Variants in SULF2 observed in about 807,000 individuals in gnomAD.
SULF2 encodes sulfatase 2.
A neutral mutation model predicts 107.7 loss-of-function variants in SULF2; 52 were observed. That is an observed-to-expected ratio of 0.48 (90% CI 0.39 to 0.61). The LOEUF is 0.61. Ranked by LOEUF, SULF2 falls within the 20% of genes least tolerant of loss-of-function variation. The pLI, the probability that SULF2 is intolerant of heterozygous loss-of-function variation, is 0.00. For synonymous variants in SULF2, 460 were observed against 464.3 expected, an observed-to-expected ratio of 0.99 and a Z score of 0.12; for missense variants, 993 against 1,177.3, an observed-to-expected ratio of 0.84 and a Z score of 2.29.
In SULF2 at chr20:47,694,753, A is replaced by G. The variant is rs1309703190; in HGVS notation, c.568-4458T>C. On this transcript the variant is annotated intron_variant, in intron 4 of 20. Transcript: ENST00000688720. This position sits in a 1 kb window ranked among gnomAD's most constrained non-coding sequence, Gnocchi z 4.4. ...TGTTTCCCTCGAGTGGGCACTCCGCACCGGGCTTCCCTCCAAGGCCAAGGC... is the reference window on the plus strand; with the variant it reads ...TGTTTCCCTCGAGTGGGCACTCCGCGCCGGGCTTCCCTCCAAGGCCAAGGC... 6.6e-6 allele frequency among the ~76,000 whole-genome samples: 1 copy of G among 152,126 alleles called. No individual in the cohort carries two copies. Among genetic ancestry groups the G allele is most frequent in the Non-Finnish European group, 1.5e-5 (1 of 68,018 alleles).
At chr20:47,688,823 G>C (rs1329231254) in intron 5 of SULF2, among the ~76,000 whole-genome samples, 2 of 151,886 alleles carry the variant, frequency 1.3e-5, no homozygotes, top group African/African-American at 4.8e-5. Context: ...TTCGAGGTCT[G>C]TCAAAAAGTA....
chr20:47,697,332 G>A (rs1393157709), intron 4 of SULF2, among the ~76,000 whole-genome samples: 1 of 152,210 alleles, frequency 6.6e-6, no homozygotes, highest in East Asian at 1.9e-4. Flanking sequence ...AGTGACTTGG[G>A]ACAGAGTCCT....
intron 2 of SULF2, among the ~76,000 whole-genome samples, chr20:47,740,012 G>C (rs1327273396): frequency 6.6e-6 from 1 of 152,178 alleles, no homozygotes; most frequent in Admixed American, 6.5e-5. Context: ...ACCCCTGAAG[G>C]CTTGGGTGTT....
chr20:47,779,496 T>C (rs539905343), intron 1 of SULF2, among the ~76,000 whole-genome samples: 38 of 152,316 alleles, frequency 2.5e-4, no homozygotes, highest in African/African-American at 8.9e-4. Flanking sequence ...ACAGTCCCGG[T>C]GATACCACTT....
rs759653991 is a variant in SULF2, at chr20:47,666,079, G to C, written c.1806-126C>G. ...CCCCTTCACCCTCGACTTCCACCTGGACACTCACCGATGTGTCACTTTAAT... is the reference window on the plus strand; with the variant it reads ...CCCCTTCACCCTCGACTTCCACCTGCACACTCACCGATGTGTCACTTTAAT... On this transcript the variant is annotated intron_variant, in intron 12 of 20. Transcript: ENST00000688720. This position sits in a 1 kb window ranked among gnomAD's most constrained non-coding sequence, Gnocchi z 5.4. The C allele has an allele frequency of 1.2e-6, 2 of 1,604,272 alleles. No homozygotes were observed. Among genetic ancestry groups the C allele is most frequent in the East Asian group, 2.2e-5 (1 of 44,726 alleles).
intron 2 of SULF2, 72 bp from the exon 3 acceptor site, chr20:47,737,014 C>G: frequency 6.3e-7 from 1 of 1,597,032 alleles, no homozygotes; most frequent in Admixed American, 1.7e-5. Flanking sequence ...GGGCTCTCAG[C>G]ACGTGGCATC....
At position 47,757,318 on chromosome 20, in the gene SULF2, A is replaced by G. The variant is rs1464123707; in HGVS notation, c.46T>C (p.Phe16Leu). The stretch of plus-strand genomic sequence containing the variant: ...GCCGAGCTTCCACCCAGCAGGGAGA[A>G]CACAGTTGCGGACAGCAAGCACAGC... ...LVLCLLSATV[F>L]SLLGGSSAFL... Residue 16 changes from phenylalanine to leucine, a missense_variant, in exon 2 of 21, where the codon TTC (phenylalanine) becomes CTC (leucine). Coordinates refer to ENST00000688720, the MANE Select transcript of SULF2 (RefSeq NM_001387048.1). 1 of 1,602,634 alleles carries G rather than the reference A, an allele frequency of 6.2e-7. No individual in the cohort carries two copies. The highest frequency in any genetic ancestry group is 1.3e-5 in the African/African-American group (1 of 74,774).
At chr20:47,765,205 A>T (rs1600676767) in intron 1 of SULF2, among the ~76,000 whole-genome samples, 1 of 152,008 alleles carries the variant, frequency 6.6e-6, no homozygotes, top group African/African-American at 2.4e-5. Context: ...ATACAAAAAA[A>T]TTAGCTGGGC....
At chr20:47,692,791 T>C (rs2088239721) in intron 4 of SULF2, among the ~76,000 whole-genome samples, 2 of 152,184 alleles carry the variant, frequency 1.3e-5, no homozygotes, top group East Asian at 3.8e-4. Flanking sequence ...TTCCATACTA[T>C]GCAATGCTGT....
intron 2 of SULF2, 81 bp from the exon 3 acceptor site, chr20:47,737,023 T>C: frequency 6.3e-7 from 1 of 1,588,368 alleles, no homozygotes. Flanking sequence ...GCACGTGGCA[T>C]CCCTAGGTCT....
chr20:47,770,833 G>A (rs60510778), intron 1 of SULF2, among the ~76,000 whole-genome samples: 19,761 of 152,106 alleles, frequency 0.13, 1,404 homozygotes, highest in East Asian at 0.17. Flanking sequence ...ACAGCATGGC[G>A]GCCTTGCAGT....
intron 19 of SULF2, 81 bp from the exon 20 acceptor site, chr20:47,659,533 G>T: frequency 6.7e-7 from 1 of 1,482,792 alleles, no homozygotes; most frequent in Non-Finnish European, 9.4e-7. Context: ...ATACAAAGAA[G>T]GTCTCCTAGG....
At chr20:47,687,404 G>A (rs1161657023) in intron 5 of SULF2, among the ~76,000 whole-genome samples, 3 of 152,188 alleles carry the variant, frequency 2.0e-5, no homozygotes, top group Non-Finnish European at 2.9e-5. Context: ...TATCTGGTGC[G>A]TTCACAAAAG....
intron 3 of SULF2, among the ~76,000 whole-genome samples, chr20:47,723,940 T>C (rs1332945391): frequency 1.3e-5 from 2 of 152,202 alleles, no homozygotes; most frequent in Non-Finnish European, 2.9e-5. Context: ...AACCGGTTGC[T>C]TGTACCAGAA....
intron 3 of SULF2, among the ~76,000 whole-genome samples, chr20:47,706,255 C>G (rs2088733573): frequency 1.3e-5 from 2 of 152,084 alleles, no homozygotes; most frequent in Admixed American, 1.3e-4. Flanking sequence ...TGACCTTGAC[C>G]CCCACCTCTA....
intron 3 of SULF2, among the ~76,000 whole-genome samples, chr20:47,726,976 C>T (rs2041711617): frequency 1.3e-5 from 2 of 152,198 alleles, no homozygotes; most frequent in South Asian, 2.1e-4. Context: ...CACACTGCTC[C>T]CCACCCAGGA....
intron 10 of SULF2, among the ~76,000 whole-genome samples, chr20:47,673,431 G>C (rs537184518): frequency 6.6e-6 from 1 of 152,272 alleles, no homozygotes; most frequent in East Asian, 1.9e-4. Flanking sequence ...ATGTGTCCTG[G>C]GTCACACAAC....
chr20:47,715,622 C>T (rs1301833402), intron 3 of SULF2, among the ~76,000 whole-genome samples: 1 of 151,592 alleles, frequency 6.6e-6, no homozygotes, highest in Non-Finnish European at 1.5e-5. Flanking sequence ...CACACTGTCA[C>T]CCAGGCTGGG....
intron 10 of SULF2, among the ~76,000 whole-genome samples, chr20:47,674,465 G>A (rs1341794773): frequency 2.0e-5 from 3 of 152,246 alleles, no homozygotes; most frequent in Admixed American, 1.3e-4. Context: ...AGGGTGGCTG[G>A]AGGTAGAGCT....
Sources: allele counts gnomAD v4.1 joint callset (sites outside exome capture counted in the v4.1 genomes callset), GRCh38; gene constraint gnomAD v4.1.1; non-coding constraint Gnocchi (gnomAD v3.1); transcripts MANE v1.5; gene names NCBI Gene and HGNC (gene_info 2026-07-23, HGNC 2026-07-21).